Variants in DOK6 observed in about 807,000 individuals in gnomAD.
DOK6 encodes the protein downstream of tyrosine kinase 6.
Under a neutral mutation model 44.0 loss-of-function variants are expected in DOK6, and 22 were observed. The observed-to-expected ratio is 0.50, with a 90% CI of 0.36 to 0.71. The LOEUF (loss-of-function observed/expected upper bound fraction) is 0.71, where lower values mean the gene tolerates loss of function less well. Among genes scored for constraint, DOK6 ranks in the 30% least tolerant of loss-of-function variants. The pLI is 0.00. For synonymous variants in DOK6, 166 were observed against 145.5 expected, an observed-to-expected ratio of 1.14 and a Z score of -1.01; for missense variants, 340 against 416.4, an observed-to-expected ratio of 0.82 and a Z score of 1.60.
At chr18:69,672,142 T>A (rs1440639078) in intron 3 of DOK6, among the ~76,000 whole-genome samples, 1 of 152,132 alleles carries the variant, frequency 6.6e-6, no homozygotes, top group Non-Finnish European at 1.5e-5. Flanking sequence ...TAGGTATCAG[T>A]GAACTTTGTG....
At chr18:69,712,280 C>CAAAAAAAAAAAAAAAAA (rs869202861) in intron 5 of DOK6, among the ~76,000 whole-genome samples, 1 of 22,656 alleles carries the variant, frequency 4.4e-5, no homozygotes, top group Non-Finnish European at 7.5e-5. Context: ...GACTCCGTCT[C>CAAAAAAAAAAAAAAAAA]AAAAAAAAAA....
At chr18:69,607,143 C>T (rs911040407) in intron 3 of DOK6, among the ~76,000 whole-genome samples, 1 of 152,178 alleles carries the variant, frequency 6.6e-6, no homozygotes, top group Non-Finnish European at 1.5e-5. Context: ...GAACCAGAAA[C>T]TAGGCCCTTT....
intron 5 of DOK6, among the ~76,000 whole-genome samples, chr18:69,703,780 C>A (rs1986573204): frequency 6.6e-6 from 1 of 152,294 alleles, no homozygotes; most frequent in African/African-American, 2.4e-5. Flanking sequence ...TGTTTCTCCC[C>A]AAAATTCATA....
rs543134341 is a variant in DOK6, at chr18:69,813,711, A to G, written c.857-27533A>G. The stretch of plus-strand genomic sequence containing the variant: ...GGATCATGGTGTTTCAGAAGCTACA[A>G]AGCACAGCACAGAGGACATCTAGAG... On this transcript the variant is annotated intron_variant, in intron 7 of 7. Coordinates refer to ENST00000382713, the MANE Select transcript of DOK6 (RefSeq NM_152721.6). 2.6e-5 allele frequency among the ~76,000 whole-genome samples: 4 copies of G among 152,226 alleles called. No homozygotes were observed. In the East Asian group the frequency reaches 7.7e-4, roughly 29 times the overall value.
chr18:69,583,057 CTT>C (rs1313288614), intron 2 of DOK6, among the ~76,000 whole-genome samples: 1 of 152,148 alleles, frequency 6.6e-6, no homozygotes, highest in Non-Finnish European at 1.5e-5. Flanking sequence ...GTGTGAGAAA[CTT>C]TGGGGAATAC....
At chr18:69,612,735 C>T (rs1204933379) in intron 3 of DOK6, among the ~76,000 whole-genome samples, 1 of 152,154 alleles carries the variant, frequency 6.6e-6, no homozygotes, top group Non-Finnish European at 1.5e-5. Context: ...GGCTTGCTTA[C>T]CCCTGTATTC....
At chr18:69,700,081 G>A (rs1246602297) in intron 5 of DOK6, among the ~76,000 whole-genome samples, 1 of 151,906 alleles carries the variant, frequency 6.6e-6, no homozygotes, top group Non-Finnish European at 1.5e-5. Flanking sequence ...CAGCATGGGA[G>A]GAACTGCCCC....
chr18:69,809,694 C>CA (rs542256016), intron 7 of DOK6, among the ~76,000 whole-genome samples: 33 of 150,608 alleles, frequency 2.2e-4, no homozygotes, highest in African/African-American at 5.6e-4. Flanking sequence ...TATACACTAA[C>CA]AAAAAAAATC....
intron 1 of DOK6, among the ~76,000 whole-genome samples, chr18:69,448,303 G>T (rs1025504085): frequency 1.3e-5 from 2 of 152,158 alleles, no homozygotes; most frequent in East Asian, 3.8e-4. Flanking sequence ...TGCAAGGAGG[G>T]TTGGGCTGGC....
intron 5 of DOK6, among the ~76,000 whole-genome samples, chr18:69,699,743 A>T (rs1409039352): frequency 1.3e-5 from 2 of 152,238 alleles, no homozygotes; most frequent in Non-Finnish European, 2.9e-5. Context: ...TTTAAAAATT[A>T]TGACTATGAA....
chr18:69,805,718 G>A (rs73970272), intron 7 of DOK6, among the ~76,000 whole-genome samples: 13,441 of 151,990 alleles, frequency 0.088, 1,062 homozygotes, highest in African/African-American at 0.21. Context: ...CTAATGTAAA[G>A]CATATATATG....
chr18:69,704,758 C>T (rs1477143583), intron 5 of DOK6, among the ~76,000 whole-genome samples: 4 of 152,110 alleles, frequency 2.6e-5, no homozygotes, highest in African/African-American at 9.7e-5. Context: ...GGATTACAGG[C>T]GTGAGCCACC....
chr18:69,680,788 G>T (rs1359594520), intron 4 of DOK6, among the ~76,000 whole-genome samples: 1 of 152,144 alleles, frequency 6.6e-6, no homozygotes, highest in East Asian at 1.9e-4. Flanking sequence ...CCGTCAACTT[G>T]GACCCTCCCA....
At chr18:69,437,606 T>A (rs1979018956) in intron 1 of DOK6, among the ~76,000 whole-genome samples, 1 of 152,216 alleles carries the variant, frequency 6.6e-6, no homozygotes, top group Admixed American at 6.5e-5. Context: ...GGTAGTGTGA[T>A]GCCTCCAGCT....
chr18:69,509,269 C>T (rs1011718270), intron 1 of DOK6, among the ~76,000 whole-genome samples: 4 of 152,190 alleles, frequency 2.6e-5, no homozygotes, highest in Non-Finnish European at 5.9e-5. Flanking sequence ...TCTTCAACCT[C>T]ATTTATATAT....
chr18:69,723,721 C>G (rs537092475), intron 5 of DOK6, among the ~76,000 whole-genome samples: 6 of 152,298 alleles, frequency 3.9e-5, no homozygotes, highest in South Asian at 4.1e-4. Context: ...TTCACAGTGC[C>G]TGACGATGTT....
intron 1 of DOK6, among the ~76,000 whole-genome samples, chr18:69,464,412 A>G (rs1979871533): frequency 6.6e-6 from 1 of 152,166 alleles, no homozygotes; most frequent in Admixed American, 6.5e-5. Context: ...CCTATTCCGA[A>G]TGTTCTTTGT....
chr18:69,533,453 C>T (rs1226768285), intron 1 of DOK6, among the ~76,000 whole-genome samples: 23 of 151,970 alleles, frequency 1.5e-4, no homozygotes, highest in Admixed American at 1.4e-3. Context: ...AAAGAAGATA[C>T]TAGGCATTAT....
chr18:69,718,470 A>C (rs1286239815), intron 5 of DOK6, among the ~76,000 whole-genome samples: 1 of 152,222 alleles, frequency 6.6e-6, no homozygotes, highest in African/African-American at 2.4e-5. Flanking sequence ...CTCTTATGTG[A>C]GTTGAAAATA....
Sources: allele counts gnomAD v4.1 joint callset (sites outside exome capture counted in the v4.1 genomes callset), GRCh38; gene constraint gnomAD v4.1.1; transcripts MANE v1.5; gene names NCBI Gene and HGNC (gene_info 2026-07-23, HGNC 2026-07-21).